The following SH3BP2 variants were observed in gnomAD, a reference collection of about 807,000 sequenced individuals.
SH3BP2 encodes SH3 domain-binding protein 2.
SH3BP2 carries 38 observed loss-of-function variants against 56.2 expected under a neutral mutation model. The observed-to-expected ratio is 0.68, with a 90% CI of 0.52 to 0.89. SH3BP2 has a LOEUF of 0.89. Among genes scored for constraint, SH3BP2 ranks in the 40% least tolerant of loss-of-function variants. The pLI is 0.00. For synonymous variants in SH3BP2, 346 were observed against 316.7 expected (o/e 1.09, Z -0.98); for missense variants, 748 against 762.6 (o/e 0.98, Z 0.23).
intron 5 of SH3BP2, among the ~76,000 whole-genome samples, chr4:2,825,534 GCA>G (rs10584126): frequency 2.4e-4 from 37 of 151,124 alleles, no homozygotes; most frequent in African/African-American, 5.1e-4. Context: ...ACGTGGACAT[GCA>G]CACACACACA....
At position 2,810,999 on chromosome 4, in the gene SH3BP2, G is replaced by A. The variant is rs552723918; in HGVS notation, c.-4-9615G>A. Among the ~76,000 whole-genome samples the A allele has an allele frequency of 4.6e-5, 7 of 152,370 alleles. No individual in the cohort carries two copies. Among genetic ancestry groups the A allele is most frequent in the African/African-American group, 1.7e-4 (7 of 41,586 alleles). The stretch of plus-strand genomic sequence containing the variant: ...CCCTTGGCCACCTGAGGGGACTGAG[G>A]CTGGCACAGGCTGGGGACGCCAGGG... On this transcript the variant is annotated intron_variant, in intron 1 of 12. Coordinates refer to ENST00000503393, the MANE Select transcript of SH3BP2 (RefSeq NM_001122681.2). The surrounding 1 kb of genome is among the most constrained non-coding windows in gnomAD (Gnocchi z 4.2).
chr4:2,812,785 G>A (rs890636830), intron 1 of SH3BP2, among the ~76,000 whole-genome samples: 4 of 152,168 alleles, frequency 2.6e-5, no homozygotes, highest in Non-Finnish European at 5.9e-5. Flanking sequence ...GCTGGGGTGG[G>A]GCCCAGGTCC....
In SH3BP2 at chr4:2,836,088, C is replaced by T. The variant is rs907292134; in HGVS notation, c.*2254C>T. The T allele has an allele frequency of 6.6e-6, 1 of 152,274 alleles. No individual in the cohort carries two copies. The highest frequency in any genetic ancestry group is 2.4e-5 in the African/African-American group (1 of 41,424). 9.4% of individuals were successfully genotyped at this position (152,274 alleles called of 1,614,324 possible). A position where few individuals can be genotyped will look rare whatever the true frequency, so the allele number is the denominator to read the frequency against. On this transcript the variant is annotated 3_prime_UTR_variant, in exon 13 of 13. Coordinates refer to ENST00000503393, the MANE Select transcript of SH3BP2 (RefSeq NM_001122681.2). Reference sequence around the variant, plus strand: ...CTCAAGTGGCTAAAGCATCCTGGGGCCCAGAGCCAGGTGATAGGTCCCTCT... The same window carrying T: ...CTCAAGTGGCTAAAGCATCCTGGGGTCCAGAGCCAGGTGATAGGTCCCTCT...
chr4:2,825,246 T>C, intron 5 of SH3BP2, 50 bp downstream of exon 5: 1 of 1,473,940 alleles, frequency 6.8e-7, no homozygotes, highest in South Asian at 1.2e-5. Context: ...CTGGGGCGCC[T>C]GGGCCTGACC....
intron 6 of SH3BP2, 143 bp from the exon 7 acceptor site, chr4:2,827,463 C>G: frequency 8.5e-7 from 1 of 1,172,378 alleles, no homozygotes; most frequent in East Asian, 2.5e-5. Flanking sequence ...TGGGCTCTGG[C>G]CTTCAGCGGC....
chr4:2,826,747 T>C (rs1724671389), intron 5 of SH3BP2: 1 of 369,028 alleles, frequency 2.7e-6, no homozygotes, highest in Non-Finnish European at 5.4e-6. Flanking sequence ...TGTCCGCGTG[T>C]TGCTTGTGTT....
At position 2,827,650 on chromosome 4, in the gene SH3BP2, TCC is replaced by T. The variant is rs746384909; in HGVS notation, c.565_566del (p.Pro189GlyfsTer6). On this transcript the variant is annotated frameshift_variant, in exon 7 of 13. Coordinates refer to ENST00000503393, the MANE Select transcript of SH3BP2 (RefSeq NM_001122681.2). LOFTEE classifies it high-confidence loss of function. ...GGATGACTCCTACCTGGAGCCTGACTCCCCGGAGCCCGGAAGGCTTGAGGGTA... is the reference window on the plus strand; with the variant it reads ...GGATGACTCCTACCTGGAGCCTGACTCCGGAGCCCGGAAGGCTTGAGGGTA... The part of the protein sequence containing the change: ...DEDDSYLEPD[S>X]PEPGRLEDAL... 1 of 1,293,822 alleles carries T rather than the reference TCC, an allele frequency of 7.7e-7. No individual in the cohort carries two copies. Among genetic ancestry groups the T allele is most frequent in the Non-Finnish European group, 1.1e-6 (1 of 947,960 alleles). 80.1% of individuals were successfully genotyped at this position (1,293,822 alleles called of 1,614,324 possible).
At chr4:2,795,673 G>T (rs1442903286) in intron 1 of SH3BP2, among the ~76,000 whole-genome samples, 2 of 152,176 alleles carry the variant, frequency 1.3e-5, no homozygotes, top group African/African-American at 4.8e-5. Flanking sequence ...CAGGAGGAGG[G>T]ATCTGAGCCG....
Position 2,824,706 on chromosome 4 carries a change from G to A in SH3BP2, c.333G>A (p.Ser111=), listed in dbSNP as rs554077647. 5 of 1,613,592 alleles carry A rather than the reference G, an allele frequency of 3.1e-6. No homozygotes were observed. The highest frequency in any genetic ancestry group is 4.5e-5 in the East Asian group (2 of 44,868). The change falls in exon 4 of 13, where the codon TCG becomes TCA. Residue 111 remains serine, a synonymous_variant. Transcript: ENST00000503393. ...ISKKHRTWFF[S]ASSEEERKSW... ...AGAAGCACCGCACGTGGTTCTTCTC[G>A]GCCTCCTCCGAGGAGGAGCGCAAGG... is the stretch of plus-strand genomic sequence containing the variant.
In SH3BP2 at chr4:2,840,703, C is replaced by T. The variant is rs2108748797; in HGVS notation, c.*6869C>T. ...TTGTATTTTCATGTAAGGTTTTTCT[C>T]CCATATAAGTTTTAAAATCAGCTTG... On this transcript the variant is annotated 3_prime_UTR_variant, in exon 13 of 13. Transcript: ENST00000503393. 1 of 152,236 alleles carries T rather than the reference C, an allele frequency of 6.6e-6. No individual in the cohort carries two copies. The highest frequency in any genetic ancestry group is 2.1e-4 in the South Asian group (1 of 4,824). 9.4% of individuals were successfully genotyped at this position (152,236 alleles called of 1,614,324 possible).
Position 2,831,824 on chromosome 4 carries a change from TA to T in SH3BP2, c.1351-96del. On this transcript the variant is annotated intron_variant, in intron 9 of 12. Transcript: ENST00000503393. The surrounding 1 kb of genome is among the most constrained non-coding windows in gnomAD (Gnocchi z 4.1). ...GAGCCTAGGGGGACACAGCACCATG[TA>T]AAGCCCCGGATCCCGGCACCGGGTG... is the stretch of plus-strand genomic sequence containing the variant. 2 of 1,436,350 alleles carry T rather than the reference TA, an allele frequency of 1.4e-6. No homozygotes were observed. The highest frequency in any genetic ancestry group is 1.9e-6 in the Non-Finnish European group (2 of 1,035,550). 89.0% of individuals were successfully genotyped at this position (1,436,350 alleles called of 1,614,324 possible).
At chr4:2,825,008 G>A (rs903626416) in intron 4 of SH3BP2, 118 bp from the exon 5 acceptor site, 44 of 930,356 alleles carry the variant, frequency 4.7e-5, no homozygotes, top group Non-Finnish European at 7.0e-5. Context: ...GTATCCAGCC[G>A]GGTCGCCTCC....
intron 2 of SH3BP2, among the ~76,000 whole-genome samples, chr4:2,821,727 T>C (rs1724317250): frequency 6.6e-6 from 1 of 152,154 alleles, no homozygotes; most frequent in Admixed American, 6.5e-5. Flanking sequence ...AAATTTCTTG[T>C]AGAGATGGAA....
At chr4:2,798,893 A>T in intron 1 of SH3BP2, 1 of 809,932 alleles carries the variant, frequency 1.2e-6, no homozygotes, top group Non-Finnish European at 1.5e-6. Flanking sequence ...TGGGCAGGGC[A>T]GGGACAGGAA....
At position 2,837,987 on chromosome 4, in the gene SH3BP2, C is replaced by A. The variant is rs1252312436; in HGVS notation, c.*4153C>A. ...TACAGAGCAGACCCCTACCTGTCTA[C>A]CCTCCTTCGGACCCCTAGGAAGCTT... On this transcript the variant is annotated 3_prime_UTR_variant, in exon 13 of 13. Transcript: ENST00000503393. 1.3e-5 allele frequency: 2 copies of A among 152,258 alleles called. No individual in the cohort carries two copies. The highest frequency in any genetic ancestry group is 2.9e-5 in the Non-Finnish European group (2 of 68,080). The allele number at this position is 152,258 out of a possible 1,614,324, so 9.4% of individuals were successfully genotyped here.
chr4:2,799,312 TGGG>T (rs1289014122), intron 1 of SH3BP2: 2 of 985,218 alleles, frequency 2.0e-6, no homozygotes, highest in East Asian at 2.3e-4. Flanking sequence ...TGAGGTGGGA[TGGG>T]GCCCTGGGTG....
chr4:2,829,762 C>T lies in SH3BP2; in HGVS notation c.856C>T (p.Pro286Ser). 1.2e-6 allele frequency: 2 copies of T among 1,612,972 alleles called. No homozygotes were observed. Among genetic ancestry groups the T allele is most frequent in the Non-Finnish European group, 1.7e-6 (2 of 1,179,914 alleles). The change falls in exon 8 of 13, where the codon CCC becomes TCC. Residue 286 changes from proline to serine, a missense_variant. This residue lies in a region of SH3BP2 where 635 missense variants were observed against 615.0 expected (regional missense o/e 1.03). Transcript: ENST00000503393. The surrounding 1 kb of genome is among the most constrained non-coding windows in gnomAD (Gnocchi z 4.9). ...RMSDPPLSTM[P>S]TAPGLRKPPC... The stretch of plus-strand genomic sequence containing the variant: ...GAGCGATCCCCCTCTGAGCACCATG[C>T]CCACCGCACCCGGCCTCCGGAAACC...
chr4:2,821,971 A>C (rs1724332132), intron 2 of SH3BP2, among the ~76,000 whole-genome samples: 1 of 152,030 alleles, frequency 6.6e-6, no homozygotes, highest in Admixed American at 6.6e-5. Context: ...GGGTTCCAGC[A>C]ATTCTCCTGC....
intron 1 of SH3BP2, among the ~76,000 whole-genome samples, chr4:2,813,905 G>A (rs433030): frequency 0.78 from 119,236 of 152,162 alleles, 47,574 homozygotes; most frequent in African/African-American, 0.93. Context: ...ATATGAGCGT[G>A]TGAATAAAGT....
Sources: gnomAD v4.1 joint callset for allele counts (sites outside exome capture counted in the v4.1 genomes callset) on GRCh38, gnomAD v4.1.1 for gene constraint, gnomAD v4.1.1 regional missense constraint, Gnocchi (gnomAD v3.1) non-coding constraint, MANE v1.5 for transcripts, NCBI Gene and HGNC (gene_info 2026-07-23, HGNC 2026-07-21) for gene names.